The following SNTG2 variants were observed in gnomAD, a reference collection of about 807,000 sequenced individuals.
SNTG2 encodes syntrophin gamma 2, also known as gamma-2-syntrophin.
Under a neutral mutation model 70.9 loss-of-function variants are expected in SNTG2, and 74 were observed. That is an observed-to-expected ratio of 1.04 (90% confidence interval 0.86 to 1.27). The LOEUF is 1.27. Ranked by LOEUF, SNTG2 falls within the 50% of genes most tolerant of loss-of-function variation. SNTG2 has a pLI of 0.00. For synonymous variants in SNTG2, 278 were observed against 273.8 expected (o/e 1.02, Z -0.15); for missense variants, 717 against 690.7 (o/e 1.04, Z -0.43).
At chr2:1,109,180 G>A (rs1030489936) in intron 4 of SNTG2, among the ~76,000 whole-genome samples, 9 of 151,926 alleles carry the variant, frequency 5.9e-5, no homozygotes, top group Admixed American at 1.3e-4. Flanking sequence ...AGCGGCTTGC[G>A]AAGTCCCCTA....
intron 1 of SNTG2, among the ~76,000 whole-genome samples, chr2:1,082,285 T>A (rs1311799378): frequency 6.6e-6 from 1 of 152,166 alleles, no homozygotes; most frequent in Non-Finnish European, 1.5e-5. Flanking sequence ...CTTTTGCTAT[T>A]TGATGAGTTG....
At position 1,298,340 on chromosome 2, in the gene SNTG2, C is replaced by T. The variant is rs144935118; in HGVS notation, c.1285-10154C>T. On this transcript the variant is annotated intron_variant, in intron 14 of 16. Transcript: ENST00000308624. ...GTAGAGATGGGGATTTTCCATGTTG[C>T]CCAGACTGGTCTCAAACTCCTGGGC... is the stretch of plus-strand genomic sequence containing the variant. Among the ~76,000 whole-genome samples the T allele has an allele frequency of 2.2e-4, 33 of 152,124 alleles. 2 individuals are homozygous for T. The East Asian group carries it at 6.4e-3, about 29-fold the overall frequency.
chr2:1,024,146 G>C (rs1340878825), intron 1 of SNTG2, among the ~76,000 whole-genome samples: 1 of 152,168 alleles, frequency 6.6e-6, no homozygotes, highest in Non-Finnish European at 1.5e-5. Flanking sequence ...TGGCACCACA[G>C]GGGCCTCCCA....
intron 13 of SNTG2, chr2:1,263,091 A>G (rs977355982): frequency 2.0e-5 from 3 of 152,238 alleles, no homozygotes; most frequent in Admixed American, 6.5e-5. Flanking sequence ...TTGCTTGATC[A>G]AGCAGTCTCA....
At chr2:1,116,008 G>A (rs1345776836) in intron 4 of SNTG2, among the ~76,000 whole-genome samples, 2 of 152,220 alleles carry the variant, frequency 1.3e-5, no homozygotes, top group Non-Finnish European at 2.9e-5. Flanking sequence ...AGACTGTGGT[G>A]GAAACAGTAT....
intron 9 of SNTG2, among the ~76,000 whole-genome samples, chr2:1,220,399 G>T (rs774835330): frequency 6.6e-6 from 1 of 152,220 alleles, no homozygotes; most frequent in Non-Finnish European, 1.5e-5. Flanking sequence ...CCTCCCTCAG[G>T]CCAGCAGCCC....
chr2:1,337,213 A>C (rs1276654394), intron 16 of SNTG2, among the ~76,000 whole-genome samples: 1 of 152,218 alleles, frequency 6.6e-6, no homozygotes, highest in African/African-American at 2.4e-5. Context: ...GAACAAGAGT[A>C]GAATTGCTGG....
chr2:1,147,775 G>A (rs1195524515), intron 6 of SNTG2, among the ~76,000 whole-genome samples: 1 of 152,222 alleles, frequency 6.6e-6, no homozygotes, highest in African/African-American at 2.4e-5. Context: ...CTAATGACTA[G>A]CTACAGTTGT....
chr2:1,308,761 G>C (rs144249018), intron 15 of SNTG2, among the ~76,000 whole-genome samples, 175 bp downstream of exon 15: 1 of 152,136 alleles, frequency 6.6e-6, no homozygotes, highest in Non-Finnish European at 1.5e-5. Context: ...CCCCAGGATC[G>C]CCACAAGCCC....
At chr2:1,320,040 T>C (rs920469707) in intron 16 of SNTG2, among the ~76,000 whole-genome samples, 2 of 152,208 alleles carry the variant, frequency 1.3e-5, no homozygotes, top group African/African-American at 4.8e-5. Flanking sequence ...AGTAAGTTGA[T>C]TTTCTAGTGA....
intron 1 of SNTG2, among the ~76,000 whole-genome samples, chr2:1,030,431 A>G (rs1660751748): frequency 6.6e-6 from 1 of 152,194 alleles, no homozygotes; most frequent in African/African-American, 2.4e-5. Context: ...TTGGCCTGTG[A>G]TGACACATGG....
intron 1 of SNTG2, among the ~76,000 whole-genome samples, chr2:995,340 T>G (rs1661643349): frequency 6.6e-6 from 1 of 152,086 alleles, no homozygotes; most frequent in South Asian, 2.1e-4. Flanking sequence ...TTGTCTTTTA[T>G]TTACTGCATA....
At chr2:1,218,372 G>A (rs996463911) in intron 9 of SNTG2, among the ~76,000 whole-genome samples, 3 of 152,176 alleles carry the variant, frequency 2.0e-5, no homozygotes, top group African/African-American at 7.2e-5. Flanking sequence ...CTGAGAACTG[G>A]GGGCTGCCTT....
chr2:970,719 C>T (rs1205640819), intron 1 of SNTG2, among the ~76,000 whole-genome samples: 1 of 149,976 alleles, frequency 6.7e-6, no homozygotes, highest in South Asian at 2.2e-4. Context: ...AATAATGCCA[C>T]AATAAACATA....
At chr2:1,256,541 T>G (rs1175479805) in intron 12 of SNTG2, 3 of 152,212 alleles carry the variant, frequency 2.0e-5, no homozygotes, top group Non-Finnish European at 2.9e-5. Context: ...CTTGAATTGT[T>G]GTAGCCTAGA....
intron 4 of SNTG2, among the ~76,000 whole-genome samples, chr2:1,111,394 C>T (rs1217256050): frequency 6.6e-6 from 1 of 152,186 alleles, no homozygotes; most frequent in Non-Finnish European, 1.5e-5. Flanking sequence ...ACGGCCGGGC[C>T]CCTCTTACCT....
At chr2:1,201,692 G>C (rs913763490) in intron 8 of SNTG2, among the ~76,000 whole-genome samples, 1 of 151,862 alleles carries the variant, frequency 6.6e-6, no homozygotes. Context: ...TGATCATTAT[G>C]CATCATATGC....
At chr2:1,207,992 A>C (rs1673754439) in intron 8 of SNTG2, among the ~76,000 whole-genome samples, 1 of 152,212 alleles carries the variant, frequency 6.6e-6, no homozygotes, top group African/African-American at 2.4e-5. Context: ...TATGAAAGAC[A>C]CTTCATGCCA....
chr2:1,133,724 G>T (rs943099307), intron 4 of SNTG2, among the ~76,000 whole-genome samples: 5 of 136,344 alleles, frequency 3.7e-5, no homozygotes, highest in Non-Finnish European at 6.2e-5. Flanking sequence ...GGCTAAAAGT[G>T]TCCGTCAGCT....
Sources: gnomAD v4.1 joint callset for allele counts (sites outside exome capture counted in the v4.1 genomes callset) on GRCh38, gnomAD v4.1.1 for gene constraint, MANE v1.5 for transcripts, NCBI Gene and HGNC (gene_info 2026-07-23, HGNC 2026-07-21) for gene names.